The following MARF1 variants were observed in gnomAD, a reference collection of about 807,000 sequenced individuals.
MARF1 encodes limkain-b1.
In MARF1, 24 loss-of-function variants were observed where a neutral mutation model predicts 168.2. That is an observed-to-expected ratio of 0.14 (90% CI 0.10 to 0.20). The LOEUF is 0.20. Among genes scored for constraint, MARF1 ranks in the 10% least tolerant of loss-of-function variants. The probability of loss-of-function intolerance (pLI) is 1.00; values close to 1 mark genes in which losing one functional copy is unlikely to be tolerated. For synonymous variants in MARF1, 868 were observed against 822.4 expected (o/e 1.06, Z -0.95); for missense variants, 1,744 against 2,143.6 (o/e 0.81, Z 3.68).
At position 15,635,954 on chromosome 16, in the gene MARF1, C is replaced by T. The variant is rs2035565325; in HGVS notation, c.533G>A (p.Ser178Asn). ...AGACAGGTTACTCTCTAGACACATG[C>T]TGGGAAAGTCACTTGCAATGCCTGC... ...NLAGIASDFP[S>N]MCLESNLSSC... The change falls in exon 3 of 27, where the codon AGC (serine) becomes AAC (asparagine). Residue 178 changes from serine (S) to asparagine (N), a missense_variant. Coordinates refer to ENST00000396368, the MANE Select transcript of MARF1 (RefSeq NM_014647.4). The T allele has an allele frequency of 6.2e-7, 1 of 1,614,098 alleles. No individual in the cohort carries two copies. Among genetic ancestry groups the T allele is most frequent in the Non-Finnish European group, 8.5e-7 (1 of 1,180,044 alleles).
At chr16:15,612,855 C>A in intron 16 of MARF1, 78 bp from the exon 17 acceptor site, 4 of 1,241,298 alleles carry the variant, frequency 3.2e-6, no homozygotes, top group Non-Finnish European at 4.7e-6. Context: ...CCCTGCAGTC[C>A]CTGGCTTGAG....
chr16:15,602,727 C>T (rs1221232475), intron 22 of MARF1: 16 of 441,772 alleles, frequency 3.6e-5, no homozygotes, highest in Non-Finnish European at 6.8e-5. Flanking sequence ...ATTTGCAAGT[C>T]GAAGGCTGCA....
chr16:15,622,467 C>T (rs2034530508), intron 11 of MARF1, among the ~76,000 whole-genome samples: 1 of 151,832 alleles, frequency 6.6e-6, no homozygotes, highest in African/African-American at 2.4e-5. Flanking sequence ...TCTCAGCTTA[C>T]TGCAACCTCT....
chr16:15,601,403 CT>C, intron 23 of MARF1: 1 of 243,348 alleles, frequency 4.1e-6, no homozygotes, highest in South Asian at 5.3e-5. Context: ...CACTGGGGTG[CT>C]TTTCAAATGC....
rs2035783622 is a variant in MARF1, at chr16:15,639,115, T to C, written c.119A>G (p.Gln40Arg). Residue 40 changes from glutamine (Q) to arginine (R), a missense_variant, in exon 2 of 27, where the codon CAG (glutamine) becomes CGG (arginine). Transcript: ENST00000396368. ...CGTTTGGGGACTATGTGGCAGCGTC[T>C]GCTCAGGACGAGAAAAGCAATTAGA... ...KFSNCFSRPEQTLPHSPQTKE... is the reference protein window; with the variant it reads ...KFSNCFSRPERTLPHSPQTKE... 1 of 1,614,004 alleles carries C rather than the reference T, an allele frequency of 6.2e-7. No homozygotes were observed. The highest frequency in any genetic ancestry group is 1.3e-5 in the African/African-American group (1 of 74,922).
intron 6 of MARF1, 44 bp from the exon 7 acceptor site, chr16:15,630,548 A>C (rs1470271644): frequency 1.3e-6 from 2 of 1,543,318 alleles, no homozygotes; most frequent in South Asian, 2.4e-5. Flanking sequence ...AAACATTAGA[A>C]ACACTTGACA....
At chr16:15,610,442 C>T (rs75507808) in intron 19 of MARF1, 1,904 of 153,262 alleles carry the variant, frequency 0.012, 43 homozygotes, top group African/African-American at 0.044. Flanking sequence ...CCCGCGGAAA[C>T]TGCAGACACG....
At chr16:15,628,883 G>A (rs1286850710) in intron 7 of MARF1, among the ~76,000 whole-genome samples, 1 of 152,088 alleles carries the variant, frequency 6.6e-6, no homozygotes, top group Non-Finnish European at 1.5e-5. Flanking sequence ...AACATAAAAA[G>A]AAATGTATCT....
At chr16:15,633,492 G>A in intron 5 of MARF1, 125 bp downstream of exon 5, 1 of 683,982 alleles carries the variant, frequency 1.5e-6, no homozygotes, top group Non-Finnish European at 2.4e-6. Flanking sequence ...GCTGCAGGGA[G>A]CCATGAATGC....
At chr16:15,599,060 C>G in intron 25 of MARF1, 36 bp from the exon 26 acceptor site, 1 of 1,599,116 alleles carries the variant, frequency 6.3e-7, no homozygotes, top group South Asian at 1.1e-5. Flanking sequence ...ACCACAGGAC[C>G]TCCACGCCCA....
At chr16:15,624,211 G>A (rs555239318) in intron 10 of MARF1, among the ~76,000 whole-genome samples, 6 of 152,048 alleles carry the variant, frequency 3.9e-5, no homozygotes, top group East Asian at 1.9e-4. Flanking sequence ...GAGCCACCAC[G>A]CCCGGCTGAT....
chr16:15,612,673 G>C lies in MARF1; in HGVS notation c.3358C>G (p.Pro1120Ala), dbSNP rs1169279284. 1 of 1,614,096 alleles carries C rather than the reference G, an allele frequency of 6.2e-7. No individual in the cohort carries two copies. The change falls in exon 17 of 27, where the codon CCC (proline) becomes GCC (alanine). Residue 1120 changes from proline to alanine, a missense_variant. Around this residue, in one of 7 missense-constraint regions of MARF1, gnomAD observed 543 missense variants for 742.1 expected, o/e 0.73. Coordinates refer to ENST00000396368, the MANE Select transcript of MARF1 (RefSeq NM_014647.4). Reference sequence around the variant, plus strand: ...TAGGATGGGATGAAATGACTGATGGGTATGACACAAGATGGCTGGCTTTTC... The same window carrying C: ...TAGGATGGGATGAAATGACTGATGGCTATGACACAAGATGGCTGGCTTTTC... ...LLKSQPSCVI[P>A]ISHFIPSYHH...
chr16:15,639,843 G>C (rs1210197023), intron 1 of MARF1, among the ~76,000 whole-genome samples: 1 of 152,190 alleles, frequency 6.6e-6, no homozygotes, highest in Admixed American at 6.5e-5. Flanking sequence ...GCAACAACCT[G>C]ATTTCTTAAA....
At chr16:15,601,552 GTCA>G (rs1365361458) in intron 23 of MARF1, 2 of 251,642 alleles carry the variant, frequency 7.9e-6, no homozygotes, top group African/African-American at 4.4e-5. Context: ...ATCTGCTCAT[GTCA>G]TCATCCCCTT....
At chr16:15,607,528 C>G (rs1054811738) in intron 21 of MARF1, among the ~76,000 whole-genome samples, 1 of 152,106 alleles carries the variant, frequency 6.6e-6, no homozygotes, top group Non-Finnish European at 1.5e-5. Context: ...TAGCCTGGGC[C>G]ACAGAGCAAG....
chr16:15,611,931 T>C (rs529929118), intron 17 of MARF1, among the ~76,000 whole-genome samples, 197 bp from the exon 18 acceptor site: 38 of 152,208 alleles, frequency 2.5e-4, no homozygotes, highest in Non-Finnish European at 5.0e-4. Flanking sequence ...GAAACTCTTA[T>C]CGTTTTTGGC....
rs370691682 is a variant in MARF1 at position 15,600,469 on chromosome 16, G to A, written c.4772C>T (p.Ser1591Leu). The change falls in exon 25 of 27, where the codon TCG becomes TTG. Residue 1591 changes from serine (S) to leucine (L), a missense_variant. By Grantham distance (145) the Ser-to-Leu change is moderately radical (BLOSUM62 -2). Coordinates refer to ENST00000396368, the MANE Select transcript of MARF1 (RefSeq NM_014647.4). ...AAGCTTGAGTTCCGAGGCTGTGTGCGATTCGGGCACCTCCAGGATGCGCTC... is the reference window on the plus strand; with the variant it reads ...AAGCTTGAGTTCCGAGGCTGTGTGCAATTCGGGCACCTCCAGGATGCGCTC... ...EGERILEVPE[S>L]HTASELKLGA... 20 of 1,614,030 alleles carry A rather than the reference G, an allele frequency of 1.2e-5. No individual in the cohort carries two copies. The highest frequency in any genetic ancestry group is 3.3e-4 in the Middle Eastern group (2 of 6,084).
chr16:15,598,635 C>T (rs2151011185), intron 26 of MARF1, among the ~76,000 whole-genome samples: 1 of 151,914 alleles, frequency 6.6e-6, no homozygotes, highest in Admixed American at 6.5e-5. Context: ...TCCAGAGCTG[C>T]CAAATCGCCC....
intron 22 of MARF1, among the ~76,000 whole-genome samples, chr16:15,603,897 C>T (rs1371846324): frequency 1.3e-5 from 2 of 152,072 alleles, no homozygotes; most frequent in African/African-American, 4.8e-5. Flanking sequence ...GACAAACACA[C>T]CCCAGAGCCA....
Sources: gnomAD v4.1 joint callset for allele counts (sites outside exome capture counted in the v4.1 genomes callset) on GRCh38, gnomAD v4.1.1 for gene constraint, gnomAD v4.1.1 regional missense constraint, MANE v1.5 for transcripts, NCBI Gene and HGNC (gene_info 2026-07-23, HGNC 2026-07-21) for gene names.